Variants in GALNT18 observed in about 807,000 individuals in gnomAD.
GALNT18 encodes polypeptide N-acetylgalactosaminyltransferase 18.
A neutral mutation model predicts 69.5 loss-of-function variants in GALNT18; 44 were observed. The observed-to-expected ratio is 0.63, with a 90% confidence interval of 0.50 to 0.81. GALNT18 has a LOEUF of 0.81. GALNT18 is among the 40% of genes least tolerant of loss of function. The pLI is 0.00. For synonymous variants in GALNT18, 364 were observed against 318.2 expected, an observed-to-expected ratio of 1.14 and a Z score of -1.53; for missense variants, 715 against 810.0, an observed-to-expected ratio of 0.88 and a Z score of 1.42.
At chr11:11,609,150 C>G (rs1228890279) in intron 1 of GALNT18, among the ~76,000 whole-genome samples, 1 of 152,244 alleles carries the variant, frequency 6.6e-6, no homozygotes, top group Non-Finnish European at 1.5e-5. Flanking sequence ...AGCCACAGAA[C>G]AGCCTGCACT....
intron 3 of GALNT18, among the ~76,000 whole-genome samples, chr11:11,399,523 C>T (rs556009594): frequency 5.9e-5 from 9 of 152,260 alleles, no homozygotes; most frequent in African/African-American, 2.2e-4. Context: ...CAGGCTAGGG[C>T]TGCAGGTCAG....
chr11:11,456,698 C>T (rs1233409387), intron 1 of GALNT18, among the ~76,000 whole-genome samples: 3 of 152,142 alleles, frequency 2.0e-5, no homozygotes, highest in Non-Finnish European at 4.4e-5. Flanking sequence ...CTAGGTGGGC[C>T]CCTGTGAATG....
At chr11:11,298,949 C>T (rs1460255000) in intron 9 of GALNT18, among the ~76,000 whole-genome samples, 1 of 152,128 alleles carries the variant, frequency 6.6e-6, no homozygotes, top group Non-Finnish European at 1.5e-5. Context: ...CTCCTGCCTC[C>T]CGCCTCCAAC....
Position 11,451,905 on chromosome 11 carries a change from G to A in GALNT18, c.236-2969C>T, listed in dbSNP as rs113636499. Among the ~76,000 whole-genome samples the A allele has an allele frequency of 8.3e-4, 126 of 152,188 alleles. 1 individual carries two copies. Among genetic ancestry groups the A allele is most frequent in the Middle Eastern group, 6.8e-3 (2 of 294 alleles). ...TCCACATTCTTTTCTCTACACCAGG[G>A]GTGGCAAACCATGGTCCAAGGGCCA... On this transcript the variant is annotated intron_variant, in intron 1 of 10. Transcript: ENST00000227756.
intron 3 of GALNT18, among the ~76,000 whole-genome samples, chr11:11,424,188 C>G (rs953910156): frequency 6.6e-6 from 1 of 152,198 alleles, no homozygotes; most frequent in African/African-American, 2.4e-5. Context: ...GGGAGGCTCA[C>G]CTACGTTGGA....
At chr11:11,485,512 T>C (rs1405205200) in intron 1 of GALNT18, among the ~76,000 whole-genome samples, 1 of 152,170 alleles carries the variant, frequency 6.6e-6, no homozygotes, top group East Asian at 1.9e-4. Context: ...CAAGAACTTT[T>C]TGCCAGAAAT....
intron 9 of GALNT18, among the ~76,000 whole-genome samples, chr11:11,326,793 C>T (rs567688439): frequency 1.3e-5 from 2 of 152,350 alleles, no homozygotes; most frequent in African/African-American, 4.8e-5. Context: ...ATAGTTTCCA[C>T]AAAGGAAGCA....
intron 1 of GALNT18, among the ~76,000 whole-genome samples, chr11:11,498,810 T>C (rs1051263069): frequency 6.6e-6 from 1 of 151,922 alleles, no homozygotes; most frequent in Non-Finnish European, 1.5e-5. Flanking sequence ...AAAAAATAAA[T>C]AAATAAAAGA....
intron 1 of GALNT18, among the ~76,000 whole-genome samples, chr11:11,489,730 G>A (rs1400920255): frequency 5.9e-5 from 9 of 152,194 alleles, no homozygotes; most frequent in Non-Finnish European, 1.3e-4. Context: ...TTTACCAAGT[G>A]CAAGGTCCTG....
chr11:11,565,719 G>T (rs1019658047), intron 1 of GALNT18, among the ~76,000 whole-genome samples: 1 of 152,226 alleles, frequency 6.6e-6, no homozygotes, highest in Non-Finnish European at 1.5e-5. Context: ...AAACTAGTGG[G>T]TGAGACTAAC....
chr11:11,369,674 T>G (rs1340211035), intron 6 of GALNT18, among the ~76,000 whole-genome samples: 1 of 152,222 alleles, frequency 6.6e-6, no homozygotes, highest in East Asian at 1.9e-4. Context: ...TTATGCATTC[T>G]AGCACTTTCA....
intron 1 of GALNT18, among the ~76,000 whole-genome samples, chr11:11,486,381 A>C (rs1856646630): frequency 2.0e-5 from 3 of 152,204 alleles, no homozygotes; most frequent in Non-Finnish European, 2.9e-5. Context: ...AGGGTGTGTA[A>C]GCCCCAAGGT....
intron 1 of GALNT18, among the ~76,000 whole-genome samples, chr11:11,457,753 G>A (rs1368640176): frequency 6.6e-6 from 1 of 152,158 alleles, no homozygotes; most frequent in African/African-American, 2.4e-5. Flanking sequence ...CTTGTTTCTT[G>A]TGGTTTACTC....
intron 1 of GALNT18, among the ~76,000 whole-genome samples, chr11:11,499,020 T>C (rs1856923621): frequency 6.6e-6 from 1 of 152,190 alleles, no homozygotes; most frequent in African/African-American, 2.4e-5. Flanking sequence ...CTTGGCTGAG[T>C]CAAAGGATAC....
Position 11,470,804 on chromosome 11 carries a change from A to T in GALNT18, c.236-21868T>A, listed in dbSNP as rs976932427. Among the ~76,000 whole-genome samples, 1 of 152,112 alleles carries T rather than the reference A, an allele frequency of 6.6e-6. No homozygotes were observed. The highest frequency in any genetic ancestry group is 2.4e-5 in the African/African-American group (1 of 41,424). ...AAGGACTGCCAGGAAGTCAGGTACC[A>T]TGGTGTCTCCATGCTGCATTCTTAG... On this transcript the variant is annotated intron_variant, in intron 1 of 10. Transcript: ENST00000227756. The surrounding 1 kb of genome is among the most constrained non-coding windows in gnomAD (Gnocchi z 4.8).
chr11:11,337,941 A>T lies in GALNT18; in HGVS notation c.1278+2878T>A, dbSNP rs1039105177. ...CTGGGCTTTGTGCTTGATTTTGTAC[A>T]TAGCAGGAGTCATTTAAAGATTTTT... On this transcript the variant is annotated intron_variant, in intron 7 of 10. Coordinates refer to ENST00000227756, the MANE Select transcript of GALNT18 (RefSeq NM_198516.3). The surrounding 1 kb of genome is among the most constrained non-coding windows in gnomAD (Gnocchi z 4.9). Among the ~76,000 whole-genome samples, 2 of 151,112 alleles carry T rather than the reference A, an allele frequency of 1.3e-5. No homozygotes were observed. The highest frequency in any genetic ancestry group is 6.6e-5 in the Admixed American group (1 of 15,162).
intron 9 of GALNT18, among the ~76,000 whole-genome samples, chr11:11,299,308 C>A (rs888717853): frequency 2.0e-5 from 3 of 152,114 alleles, no homozygotes; most frequent in Non-Finnish European, 2.9e-5. Context: ...CCACACCCAG[C>A]TAATTTTTTT....
At chr11:11,545,319 A>T (rs1342752985) in intron 1 of GALNT18, among the ~76,000 whole-genome samples, 3 of 152,258 alleles carry the variant, frequency 2.0e-5, no homozygotes, top group Non-Finnish European at 4.4e-5. Flanking sequence ...GTCTTAGCCT[A>T]AACAGAAGAA....
In GALNT18 at chr11:11,387,085, G is replaced by T. The variant is rs117848898; in HGVS notation, c.596-7821C>A. 6.6e-6 allele frequency among the ~76,000 whole-genome samples: 1 copy of T among 152,152 alleles called. No individual in the cohort carries two copies. Among genetic ancestry groups the T allele is most frequent in the East Asian group, 1.9e-4 (1 of 5,196 alleles). Reference sequence around the variant, plus strand: ...CAAAAAGGCACCTCCTGCCAAATACGTGTGGTTCCAGCCCATAACACAAGG... The same window carrying T: ...CAAAAAGGCACCTCCTGCCAAATACTTGTGGTTCCAGCCCATAACACAAGG... On this transcript the variant is annotated intron_variant, in intron 3 of 10. Transcript: ENST00000227756. The surrounding 1 kb of genome is among the most constrained non-coding windows in gnomAD (Gnocchi z 4.6).
Sources: gnomAD v4.1 joint callset for allele counts (sites outside exome capture counted in the v4.1 genomes callset) on GRCh38, gnomAD v4.1.1 for gene constraint, Gnocchi (gnomAD v3.1) non-coding constraint, MANE v1.5 for transcripts, NCBI Gene and HGNC (gene_info 2026-07-23, HGNC 2026-07-21) for gene names.